PRKCA: variants seen among roughly 807,000 people sequenced by gnomAD.
PRKCA encodes the protein protein kinase C alpha type.
In PRKCA, 27 loss-of-function variants were observed where a neutral mutation model predicts 87.0. That is an observed-to-expected ratio of 0.31 (90% CI 0.23 to 0.43). The LOEUF (loss-of-function observed/expected upper bound fraction) is 0.43. Among genes scored for constraint, PRKCA ranks in the 20% least tolerant of loss-of-function variants. The probability of loss-of-function intolerance (pLI) is 1.00; values close to 1 mark genes in which losing one functional copy is unlikely to be tolerated. For missense variants in PRKCA, 518 were observed against 852.3 expected (o/e 0.61, Z 4.88); for synonymous variants, 329 against 311.1 (o/e 1.06, Z -0.61).
chr17:66,801,218 C>T (rs1210263293), intron 16 of PRKCA, among the ~76,000 whole-genome samples: 2 of 152,212 alleles, frequency 1.3e-5, no homozygotes, highest in African/African-American at 4.8e-5. Context: ...ACACAGTAGT[C>T]TTGTTATATC....
intron 3 of PRKCA, among the ~76,000 whole-genome samples, chr17:66,509,862 G>A (rs1361891908): frequency 6.6e-6 from 1 of 151,980 alleles, no homozygotes; most frequent in Non-Finnish European, 1.5e-5. Context: ...TATGATCTCT[G>A]ACTTATAGTA....
intron 2 of PRKCA, among the ~76,000 whole-genome samples, chr17:66,314,925 GTA>G (rs149554722): frequency 0.079 from 11,871 of 151,160 alleles, 624 homozygotes; most frequent in South Asian, 0.24. Context: ...GTATATGTGT[GTA>G]TATATATGTG....
chr17:66,496,018 A>G (rs567618207), intron 2 of PRKCA, among the ~76,000 whole-genome samples, 183 bp from the exon 3 acceptor site: 2 of 152,174 alleles, frequency 1.3e-5, no homozygotes, highest in East Asian at 1.9e-4. Context: ...TCTGTTATCT[A>G]TGAGTCTAAT....
intron 2 of PRKCA, among the ~76,000 whole-genome samples, chr17:66,443,527 A>T (rs376245030): frequency 2.0e-5 from 3 of 152,190 alleles, no homozygotes; most frequent in Non-Finnish European, 4.4e-5. Context: ...CACTCAGTGC[A>T]TGATACCCTT....
intron 13 of PRKCA, among the ~76,000 whole-genome samples, chr17:66,768,677 G>A (rs147464855): frequency 4.6e-5 from 7 of 152,254 alleles, no homozygotes; most frequent in South Asian, 4.1e-4. Context: ...GGCGGGAAGC[G>A]CCAAACACTT....
intron 3 of PRKCA, among the ~76,000 whole-genome samples, chr17:66,529,793 C>T (rs1021472600): frequency 2.0e-5 from 3 of 152,154 alleles, no homozygotes; most frequent in Admixed American, 6.5e-5. Flanking sequence ...TACTGTGGCT[C>T]ATGTCTTAGC....
chr17:66,560,071 C>CT (rs1968632213), intron 3 of PRKCA, among the ~76,000 whole-genome samples: 1 of 152,166 alleles, frequency 6.6e-6, no homozygotes, highest in African/African-American at 2.4e-5. Flanking sequence ...GGGATGTTGG[C>CT]TATTCCTCAG....
chr17:66,540,865 G>A (rs1258251543), intron 3 of PRKCA, among the ~76,000 whole-genome samples: 1 of 152,132 alleles, frequency 6.6e-6, no homozygotes. Context: ...GACCTATTCC[G>A]TTGTATATTT....
intron 13 of PRKCA, among the ~76,000 whole-genome samples, chr17:66,753,851 G>A (rs2144271570): frequency 6.6e-6 from 1 of 152,212 alleles, no homozygotes; most frequent in South Asian, 2.1e-4. Context: ...CTCACCAGAA[G>A]CCCACCTGCT....
intron 3 of PRKCA, among the ~76,000 whole-genome samples, chr17:66,554,883 T>C (rs1375666137): frequency 2.0e-5 from 3 of 150,454 alleles, no homozygotes; most frequent in Admixed American, 6.6e-5. Flanking sequence ...GTAAATTCTT[T>C]TTTTTTTTTT....
intron 5 of PRKCA, among the ~76,000 whole-genome samples, chr17:66,684,533 A>T (rs571815081): frequency 6.6e-6 from 1 of 152,284 alleles, no homozygotes; most frequent in African/African-American, 2.4e-5. Context: ...TGGACCCACT[A>T]TTTGCTTCAA....
intron 3 of PRKCA, among the ~76,000 whole-genome samples, chr17:66,609,113 C>A (rs1403862481): frequency 6.6e-6 from 1 of 152,172 alleles, no homozygotes; most frequent in Non-Finnish European, 1.5e-5. Flanking sequence ...ATTTTGCTGA[C>A]CTTCTTAGCA....
At chr17:66,603,946 T>C (rs1172071432) in intron 3 of PRKCA, among the ~76,000 whole-genome samples, 1 of 152,236 alleles carries the variant, frequency 6.6e-6, no homozygotes, top group Non-Finnish European at 1.5e-5. Context: ...TGTCAGAATT[T>C]TATTCAGTTT....
intron 2 of PRKCA, among the ~76,000 whole-genome samples, chr17:66,396,901 A>G (rs1910711362): frequency 6.7e-6 from 1 of 148,558 alleles, no homozygotes; most frequent in Non-Finnish European, 1.5e-5. Context: ...TTATATGAAT[A>G]TCTAATTATT....
At chr17:66,329,285 A>G (rs1952673231) in intron 2 of PRKCA, among the ~76,000 whole-genome samples, 2 of 152,216 alleles carry the variant, frequency 1.3e-5, no homozygotes. Context: ...CTAGAGGAAG[A>G]CCAGGTTTCG....
At chr17:66,495,712 C>G (rs1567858388) in intron 2 of PRKCA, among the ~76,000 whole-genome samples, 1 of 151,588 alleles carries the variant, frequency 6.6e-6, no homozygotes, top group Non-Finnish European at 1.5e-5. Context: ...ATCACTATGG[C>G]CAGCTAATTT....
At chr17:66,591,614 A>G (rs1969805877) in intron 3 of PRKCA, among the ~76,000 whole-genome samples, 1 of 152,188 alleles carries the variant, frequency 6.6e-6, no homozygotes, top group Admixed American at 6.5e-5. Flanking sequence ...TCCCAGTAAA[A>G]GTGCCCCCAC....
intron 2 of PRKCA, among the ~76,000 whole-genome samples, chr17:66,476,808 C>T (rs1412751242): frequency 6.6e-6 from 1 of 152,122 alleles, no homozygotes; most frequent in Non-Finnish European, 1.5e-5. Flanking sequence ...ATTTTGGAGT[C>T]CTGTTAAAAG....
chr17:66,783,128 G>A (rs1479639143), intron 14 of PRKCA, among the ~76,000 whole-genome samples: 2 of 152,080 alleles, frequency 1.3e-5, no homozygotes, highest in Non-Finnish European at 2.9e-5. Context: ...CTAATCCTTG[G>A]GGCCACATCA....
Sources: gnomAD v4.1 joint callset for allele counts (sites outside exome capture counted in the v4.1 genomes callset) on GRCh38, gnomAD v4.1.1 for gene constraint, MANE v1.5 for transcripts, NCBI Gene and HGNC (gene_info 2026-07-23, HGNC 2026-07-21) for gene names.